Variants in CCDC38 observed in about 807,000 individuals in gnomAD.
CCDC38 encodes the protein coiled-coil domain containing 38.
Under a neutral mutation model 72.8 loss-of-function variants are expected in CCDC38, and 69 were observed. The observed-to-expected ratio is 0.95, with a 90% CI of 0.78 to 1.16. The LOEUF (loss-of-function observed/expected upper bound fraction) is 1.16. CCDC38 is among the 50% of genes most tolerant of loss of function. The probability of loss-of-function intolerance (pLI) is 0.00; values close to 1 mark genes in which losing one functional copy is unlikely to be tolerated. For synonymous variants in CCDC38, 201 were observed against 213.2 expected, an observed-to-expected ratio of 0.94 and a Z score of 0.50; for missense variants, 626 against 638.9, an observed-to-expected ratio of 0.98 and a Z score of 0.22.
chr12:95,888,466 C>G lies in CCDC38; in HGVS notation c.912G>C (p.Lys304Asn). 1 of 1,613,964 alleles carries G rather than the reference C, an allele frequency of 6.2e-7. No individual in the cohort carries two copies. Among genetic ancestry groups the G allele is most frequent in the Non-Finnish European group, 8.5e-7 (1 of 1,179,964 alleles). ...SRSLTRTPEK[K>N]KSNLAESFGS... is the part of the protein sequence containing the mutation. The stretch of plus-strand genomic sequence containing the variant: ...TCAAGTATATACTGTACTTTGATTT[C>G]TTTTTCTCTGGAGTGCGAGTCAGGC... Residue 304 changes from lysine (K) to asparagine (N), a missense_variant, in exon 10 of 16, where the codon AAG becomes AAC. Coordinates refer to ENST00000344280, the MANE Select transcript of CCDC38 (RefSeq NM_182496.3).
At chr12:95,883,275 T>C (rs2079721568) in intron 10 of CCDC38, among the ~76,000 whole-genome samples, 1 of 152,166 alleles carries the variant, frequency 6.6e-6, no homozygotes, top group South Asian at 2.1e-4. Context: ...GCAAATAGGA[T>C]TGGGTCTCTG....
intron 6 of CCDC38, 30 bp from the exon 7 acceptor site, chr12:95,898,495 CT>C: frequency 4.4e-6 from 7 of 1,599,064 alleles, no homozygotes; most frequent in Non-Finnish European, 5.1e-6. Flanking sequence ...TGTTAATTTG[CT>C]TCTTAGAAAC....
At position 95,923,700 on chromosome 12, in the gene CCDC38, A is replaced by G. The variant is rs370290019; in HGVS notation, c.38-4724T>C. ...AATGCTATCCCTCCCCACTCCCCCC[A>G]CTCCACAACAGTCCCCAGAGTGTGA... is the stretch of plus-strand genomic sequence containing the variant. On this transcript the variant is annotated intron_variant, in intron 2 of 15. Coordinates refer to ENST00000344280, the MANE Select transcript of CCDC38 (RefSeq NM_182496.3). 4.7e-4 allele frequency among the ~76,000 whole-genome samples: 70 copies of G among 150,328 alleles called. 1 individual carries two copies. In the South Asian group the frequency reaches 0.013, roughly 27 times the overall value.
At chr12:95,904,132 C>G (rs1488398010) in intron 5 of CCDC38, among the ~76,000 whole-genome samples, 1 of 152,194 alleles carries the variant, frequency 6.6e-6, no homozygotes, top group Non-Finnish European at 1.5e-5. Context: ...GAATCTATTT[C>G]ATCTAAGTTG....
chr12:95,891,137 A>C (rs1455801328), intron 8 of CCDC38, among the ~76,000 whole-genome samples: 1 of 152,234 alleles, frequency 6.6e-6, no homozygotes, highest in Non-Finnish European at 1.5e-5. Flanking sequence ...TAATATGCAA[A>C]CACAATATGC....
intron 5 of CCDC38, among the ~76,000 whole-genome samples, chr12:95,904,431 T>A (rs1017270214): frequency 2.0e-5 from 3 of 152,192 alleles, no homozygotes; most frequent in Non-Finnish European, 2.9e-5. Context: ...ACTCACAAAC[T>A]CACTGAAAGC....
At chr12:95,888,956 A>G (rs997402514) in intron 9 of CCDC38, 1 of 107,144 alleles carries the variant, frequency 9.3e-6, no homozygotes, top group African/African-American at 8.9e-5. Context: ...AGTAAAGGAA[A>G]GAAGGGGAAA....
intron 4 of CCDC38, among the ~76,000 whole-genome samples, chr12:95,913,461 T>G (rs1294819430): frequency 1.3e-5 from 2 of 152,088 alleles, no homozygotes; most frequent in Non-Finnish European, 2.9e-5. Flanking sequence ...CTCTCCTTTC[T>G]CCCTTTGCTA....
chr12:95,890,900 C>T lies in CCDC38; in HGVS notation c.803G>A (p.Gly268Asp), dbSNP rs1307007492. 1.9e-6 allele frequency: 3 copies of T among 1,601,846 alleles called. No individual in the cohort carries two copies. The highest frequency in any genetic ancestry group is 2.6e-6 in the Non-Finnish European group (3 of 1,171,498). ...KLSLHSSNKEGILEESGRTAV... is the reference protein window; with the variant it reads ...KLSLHSSNKEDILEESGRTAV... Reference sequence around the variant, plus strand: ...TGTCCTCCCGGACTCCTCAAGGATGCCTTCCTTGTTACTTGAATGTAATGA... The same window carrying T: ...TGTCCTCCCGGACTCCTCAAGGATGTCTTCCTTGTTACTTGAATGTAATGA... The change falls in exon 9 of 16, where the codon GGC becomes GAC. Residue 268 changes from glycine (G) to aspartate (D), a missense_variant. Physicochemically the swap from Gly to Asp is moderately conservative, Grantham distance 94. Coordinates refer to ENST00000344280, the MANE Select transcript of CCDC38 (RefSeq NM_182496.3).
chr12:95,940,895 A>C lies in CCDC38; in HGVS notation c.-15+1536T>G, dbSNP rs556277815. Among the ~76,000 whole-genome samples, 536 of 151,890 alleles carry C rather than the reference A, an allele frequency of 3.5e-3. 1 individual carries two copies. The highest frequency in any genetic ancestry group is 9.3e-3 in the African/African-American group (384 of 41,314). Reference sequence around the variant, plus strand: ...GAAAAAAAACAAACAAACAAACAAAAAAAAAAACTGGAGGTCAAGAGGAAG... The same window carrying C: ...GAAAAAAAACAAACAAACAAACAAACAAAAAAACTGGAGGTCAAGAGGAAG... On this transcript the variant is annotated intron_variant, in intron 1 of 15. Transcript: ENST00000344280.
intron 13 of CCDC38, among the ~76,000 whole-genome samples, chr12:95,874,137 GAAAAT>G (rs2079611116): frequency 6.6e-6 from 1 of 152,038 alleles, no homozygotes; most frequent in Admixed American, 6.5e-5. Flanking sequence ...AAATATAAAA[GAAAAT>G]AAAAGTAACC....
intron 2 of CCDC38, among the ~76,000 whole-genome samples, chr12:95,930,771 C>A (rs1462900854): frequency 6.6e-6 from 1 of 152,146 alleles, no homozygotes; most frequent in African/African-American, 2.4e-5. Flanking sequence ...GAGTCTCATT[C>A]TACCAGCTCT....
intron 2 of CCDC38, among the ~76,000 whole-genome samples, chr12:95,927,522 C>T (rs2080285946): frequency 6.6e-6 from 1 of 151,880 alleles, no homozygotes. Context: ...TTAATTGAAG[C>T]ATTTAGTCCA....
At chr12:95,897,883 C>T (rs56268711) in intron 7 of CCDC38, among the ~76,000 whole-genome samples, 15,066 of 152,052 alleles carry the variant, frequency 0.099, 1,259 homozygotes, top group African/African-American at 0.23. Context: ...GCAGTGTGCC[C>T]AGCAGATCTT....
intron 7 of CCDC38, among the ~76,000 whole-genome samples, chr12:95,897,409 G>A (rs183223647): frequency 1.5e-4 from 23 of 152,106 alleles, no homozygotes; most frequent in African/African-American, 5.1e-4. Flanking sequence ...AGGAGTTTGA[G>A]ACTAGCTTGG....
rs2079674755 is a variant in CCDC38, at chr12:95,879,569, A to G, written c.1142+75T>C. The G allele has an allele frequency of 1.9e-6, 2 of 1,033,850 alleles. No homozygotes were observed. The highest frequency in any genetic ancestry group is 3.2e-5 in the African/African-American group (2 of 62,722). 64.0% of individuals were successfully genotyped at this position (1,033,850 alleles called of 1,614,324 possible). A position where few individuals can be genotyped will look rare whatever the true frequency, so the allele number is the denominator to read the frequency against. ...CACAGAGACCACGAGGAAGAGCCAC[A>G]TGTGAGTGAGTTGGACCCAGGCTCT... is the stretch of plus-strand genomic sequence containing the variant. On this transcript the variant is annotated intron_variant, in intron 12 of 15. Transcript: ENST00000344280. This position sits in a 1 kb window ranked among gnomAD's most constrained non-coding sequence, Gnocchi z 5.5.
At chr12:95,889,690 G>A (rs2079801737) in intron 9 of CCDC38, among the ~76,000 whole-genome samples, 1 of 152,060 alleles carries the variant, frequency 6.6e-6, no homozygotes, top group South Asian at 2.1e-4. Context: ...GAGTCCCCAG[G>A]AGTCAGCCTG....
chr12:95,870,457 A>G (rs1290863297), intron 14 of CCDC38, among the ~76,000 whole-genome samples: 2 of 152,228 alleles, frequency 1.3e-5, no homozygotes, highest in Non-Finnish European at 2.9e-5. Flanking sequence ...GAATGGAAAT[A>G]ACATGTACTG....
At chr12:95,867,824 T>G (rs1305936522) in intron 15 of CCDC38, among the ~76,000 whole-genome samples, 2 of 152,220 alleles carry the variant, frequency 1.3e-5, no homozygotes, top group Non-Finnish European at 2.9e-5. Context: ...TAGCTGAATT[T>G]GTATACATTA....
Sources: gnomAD v4.1 joint callset for allele counts (sites outside exome capture counted in the v4.1 genomes callset) on GRCh38, gnomAD v4.1.1 for gene constraint, Gnocchi (gnomAD v3.1) non-coding constraint, MANE v1.5 for transcripts, NCBI Gene and HGNC (gene_info 2026-07-23, HGNC 2026-07-21) for gene names.